The following NEO1 variants were observed in gnomAD, a reference collection of about 807,000 sequenced individuals.
NEO1 encodes neogenin.
A neutral mutation model predicts 159.7 loss-of-function variants in NEO1; 63 were observed. That is an observed-to-expected ratio of 0.39 (90% CI 0.32 to 0.49). The LOEUF (loss-of-function observed/expected upper bound fraction) is 0.49, where lower values mean the gene tolerates loss of function less well. NEO1 is among the 20% of genes least tolerant of loss of function. NEO1 has a pLI of 0.85. For missense variants in NEO1, 1,615 were observed against 1,831.0 expected (o/e 0.88, Z 2.15); for synonymous variants, 633 against 662.0 (o/e 0.96, Z 0.67).
At chr15:73,238,133 T>C (rs1421029368) in intron 8 of NEO1, among the ~76,000 whole-genome samples, 1 of 152,200 alleles carries the variant, frequency 6.6e-6, no homozygotes, top group East Asian at 1.9e-4. Flanking sequence ...AAATTGGGCA[T>C]GGTGGGAGTG....
intron 5 of NEO1, among the ~76,000 whole-genome samples, chr15:73,155,183 G>A (rs2033688839): frequency 6.6e-6 from 1 of 151,860 alleles, no homozygotes; most frequent in Non-Finnish European, 1.5e-5. Context: ...TCTTAATCTT[G>A]CTGGATATAA....
intron 1 of NEO1, among the ~76,000 whole-genome samples, chr15:73,113,322 T>C (rs1466297049): frequency 1.3e-5 from 2 of 152,206 alleles, no homozygotes; most frequent in African/African-American, 4.8e-5. Context: ...ATTAATACTT[T>C]AACCATTGGA....
chr15:73,284,282 AAG>A (rs545060067), intron 23 of NEO1, among the ~76,000 whole-genome samples: 382 of 152,322 alleles, frequency 2.5e-3, no homozygotes, highest in African/African-American at 8.5e-3. Flanking sequence ...CCGCTAGAGA[AAG>A]AGAAATTCAT....
At chr15:73,209,119 A>C (rs1222782755) in intron 7 of NEO1, among the ~76,000 whole-genome samples, 1 of 152,208 alleles carries the variant, frequency 6.6e-6, no homozygotes, top group East Asian at 1.9e-4. Context: ...ATTATATTTT[A>C]AATTTGGAAA....
intron 2 of NEO1, among the ~76,000 whole-genome samples, chr15:73,118,309 TC>T (rs2071437180): frequency 6.6e-6 from 1 of 152,152 alleles, no homozygotes; most frequent in Non-Finnish European, 1.5e-5. Flanking sequence ...TTCTCACCCT[TC>T]AGTGATCCTC....
intron 27 of NEO1, among the ~76,000 whole-genome samples, chr15:73,299,010 G>A (rs1325781787): frequency 2.0e-5 from 3 of 152,304 alleles, no homozygotes; most frequent in African/African-American, 7.2e-5. Flanking sequence ...GACTCATAGG[G>A]TGGTGAAAGC....
chr15:73,258,508 A>G (rs984320274), intron 13 of NEO1, among the ~76,000 whole-genome samples: 2 of 152,206 alleles, frequency 1.3e-5, no homozygotes, highest in Admixed American at 6.5e-5. Context: ...CTTAAACAAA[A>G]GTCTGTAATC....
At position 73,135,991 on chromosome 15, in the gene NEO1, G is replaced by A; in HGVS notation, c.979G>A (p.Glu327Lys). The A allele has an allele frequency of 6.2e-7, 1 of 1,610,688 alleles. No individual in the cohort carries two copies. The highest frequency in any genetic ancestry group is 8.5e-7 in the Non-Finnish European group (1 of 1,178,900). ...TYFCIADNGN[E>K]TIEAQAELTV... ...TTTTTGTATAGCTGATAATGGAAAT[G>A]AGACAATTGAAGCTCAAGCAGAGCT... is the stretch of plus-strand genomic sequence containing the variant. Residue 327 changes from glutamate to lysine, a missense_variant, in exon 5 of 29, where the codon GAG (glutamate) becomes AAG (lysine). Glu to Lys is a moderately conservative substitution (Grantham distance 56). Coordinates refer to ENST00000261908, the MANE Select transcript of NEO1 (RefSeq NM_002499.4).
chr15:73,296,174 C>T (rs920169790), intron 26 of NEO1, among the ~76,000 whole-genome samples: 1 of 152,128 alleles, frequency 6.6e-6, no homozygotes, highest in African/African-American at 2.4e-5. Context: ...AGTTACAGAC[C>T]GTTGAGGCAG....
intron 4 of NEO1, 96 bp downstream of exon 4, chr15:73,126,666 CTTTA>C: frequency 8.5e-7 from 1 of 1,178,512 alleles, no homozygotes; most frequent in East Asian, 2.5e-5. Flanking sequence ...AGATTATCAA[CTTTA>C]TTTAAACACA....
intron 5 of NEO1, among the ~76,000 whole-genome samples, chr15:73,152,068 AATAAATAC>A (rs948547039): frequency 6.6e-6 from 1 of 152,238 alleles, no homozygotes; most frequent in African/African-American, 2.4e-5. Flanking sequence ...CATATAAATA[AATAAATAC>A]ATAAATACAT....
chr15:73,068,229 C>A (rs926961765), intron 1 of NEO1, among the ~76,000 whole-genome samples: 1 of 113,056 alleles, frequency 8.8e-6, no homozygotes, highest in South Asian at 3.5e-4. Context: ...CCCTACCCCC[C>A]CCCCTTTTTT....
chr15:73,085,962 GT>G (rs960349738), intron 1 of NEO1, among the ~76,000 whole-genome samples: 253 of 152,180 alleles, frequency 1.7e-3, no homozygotes, highest in African/African-American at 5.8e-3. Context: ...CGACTTGCCA[GT>G]TTTTTTCTTT....
At position 73,246,139 on chromosome 15, in the gene NEO1, T is replaced by C. The variant is rs975212666; in HGVS notation, c.1606+1641T>C. On this transcript the variant is annotated intron_variant, in intron 9 of 28. Transcript: ENST00000261908. ...ACTTTCTAATGCTATGGCATATCAT[T>C]CACCTGTCAAATATTTATTGAGTAT... Among the ~76,000 whole-genome samples, 7 of 152,206 alleles carry C rather than the reference T, an allele frequency of 4.6e-5. 1 individual carries two copies. The highest frequency in any genetic ancestry group is 4.6e-4 in the Admixed American group (7 of 15,282).
At chr15:73,176,041 T>C (rs1420187373) in intron 5 of NEO1, among the ~76,000 whole-genome samples, 1 of 152,198 alleles carries the variant, frequency 6.6e-6, no homozygotes, top group Non-Finnish European at 1.5e-5. Context: ...TTTCCACTCT[T>C]TGAATTCTAA....
chr15:73,270,516 G>T (rs1167269799), intron 18 of NEO1, 62 bp downstream of exon 18: 1 of 1,515,462 alleles, frequency 6.6e-7, no homozygotes, highest in Non-Finnish European at 8.8e-7. Context: ...AGAATTGAGT[G>T]CCTGAATTGA....
chr15:73,161,203 A>G (rs1391298859), intron 5 of NEO1, among the ~76,000 whole-genome samples: 4 of 152,142 alleles, frequency 2.6e-5, no homozygotes, highest in Non-Finnish European at 5.9e-5. Context: ...TAAAAATCTC[A>G]TGTCTTCTAG....
chr15:73,069,449 T>C (rs1440237923), intron 1 of NEO1, among the ~76,000 whole-genome samples: 1 of 151,916 alleles, frequency 6.6e-6, no homozygotes, highest in African/African-American at 2.4e-5. Context: ...CAGTGTTTGA[T>C]CAAAGTTTTT....
At chr15:73,209,172 GTCTTT>G (rs1237607858) in intron 7 of NEO1, among the ~76,000 whole-genome samples, 1 of 152,178 alleles carries the variant, frequency 6.6e-6, no homozygotes, top group Non-Finnish European at 1.5e-5. Context: ...GAATAAATAT[GTCTTT>G]TCTTATACTT....
Sources: allele counts gnomAD v4.1 joint callset (sites outside exome capture counted in the v4.1 genomes callset), GRCh38; gene constraint gnomAD v4.1.1; transcripts MANE v1.5; gene names NCBI Gene and HGNC (gene_info 2026-07-23, HGNC 2026-07-21).